The following ADGRV1 variants were observed in gnomAD, a reference collection of about 807,000 sequenced individuals.
ADGRV1 encodes adhesion G protein-coupled receptor V1, also known as G-protein coupled receptor 98.
Under a neutral mutation model 596.2 loss-of-function variants are expected in ADGRV1, and 359 were observed. That is an observed-to-expected ratio of 0.60 (90% CI 0.55 to 0.66). ADGRV1 has a LOEUF of 0.66. Among genes scored for constraint, ADGRV1 ranks in the 30% least tolerant of loss-of-function variants. ADGRV1 has a pLI of 0.00. For missense variants in ADGRV1, 7,274 were observed against 7,575.6 expected (o/e 0.96, Z 1.48); for synonymous variants, 2,681 against 2,679.2 (o/e 1.00, Z -0.02).
intron 85 of ADGRV1, among the ~76,000 whole-genome samples, chr5:91,045,080 T>C (rs1227496347): frequency 6.6e-6 from 1 of 151,948 alleles, no homozygotes; most frequent in African/African-American, 2.4e-5. Flanking sequence ...TGAGCAAAGA[T>C]AAAAATGAGC....
intron 84 of ADGRV1, among the ~76,000 whole-genome samples, chr5:90,974,267 A>C (rs1274157824): frequency 2.7e-5 from 4 of 150,654 alleles, no homozygotes; most frequent in Non-Finnish European, 5.9e-5. Context: ...AAAAATGGCC[A>C]TACTGCCCAA....
At chr5:91,060,613 T>C (rs905606897) in intron 85 of ADGRV1, among the ~76,000 whole-genome samples, 3 of 152,130 alleles carry the variant, frequency 2.0e-5, no homozygotes, top group African/African-American at 7.2e-5. Flanking sequence ...AAGAAATGTA[T>C]AGTGTATTTT....
In ADGRV1 at chr5:91,040,060, T is replaced by A. The variant is rs568965013; in HGVS notation, c.18153-32387T>A. On this transcript the variant is annotated intron_variant, in intron 85 of 89. Coordinates refer to ENST00000405460, the MANE Select transcript of ADGRV1 (RefSeq NM_032119.4). The stretch of plus-strand genomic sequence containing the variant: ...CAATAAATATATATGTAGTGTTTTG[T>A]CCATGCAAAATAAAGCCCTTTGAGG... Among the ~76,000 whole-genome samples, 5 of 152,286 alleles carry A rather than the reference T, an allele frequency of 3.3e-5. No homozygotes were observed. In the East Asian group the frequency reaches 7.7e-4, roughly 23 times the overall value.
At chr5:91,104,492 TA>T (rs1257117769) in intron 87 of ADGRV1, among the ~76,000 whole-genome samples, 1 of 152,222 alleles carries the variant, frequency 6.6e-6, no homozygotes, top group Admixed American at 6.5e-5. Context: ...TTGTTAACTA[TA>T]GTCATCCTGT....
At chr5:90,975,129 T>G (rs887510679) in intron 84 of ADGRV1, among the ~76,000 whole-genome samples, 2 of 151,356 alleles carry the variant, frequency 1.3e-5, no homozygotes, top group Non-Finnish European at 2.9e-5. Context: ...ATCAGAGAAA[T>G]GGAAATCAAA....
chr5:90,643,856 G>A lies in ADGRV1; in HGVS notation c.2607G>A (p.Lys869=), dbSNP rs911139835. ...VLSSHGERES[K]LGSATIVNIT... is the part of the protein sequence containing the mutation. ...GCAGCCACGGAGAACGGGAAAGCAA[G>A]TTGGGAAGTGCCACCATTGTCAATA... Residue 869 remains lysine, a synonymous_variant, in exon 14 of 90, where the codon AAG becomes AAA. Transcript: ENST00000405460. 1 of 1,611,306 alleles carries A rather than the reference G, an allele frequency of 6.2e-7. No individual in the cohort carries two copies. The highest frequency in any genetic ancestry group is 1.3e-5 in the African/African-American group (1 of 74,996).
At chr5:90,710,960 T>C (rs1461508334) in intron 39 of ADGRV1, 21 bp from the exon 40 acceptor site, 3 of 1,439,430 alleles carry the variant, frequency 2.1e-6, no homozygotes, top group Middle Eastern at 3.5e-4. Flanking sequence ...TATTTTAAGA[T>C]ATGCTTCTAT....
intron 87 of ADGRV1, among the ~76,000 whole-genome samples, chr5:91,134,046 T>C (rs907256580): frequency 6.6e-6 from 1 of 152,148 alleles, no homozygotes; most frequent in Non-Finnish European, 1.5e-5. Context: ...TTCACACATG[T>C]GTAAAATCTG....
intron 83 of ADGRV1, among the ~76,000 whole-genome samples, chr5:90,945,317 C>T (rs934433633): frequency 6.6e-6 from 1 of 151,960 alleles, no homozygotes; most frequent in Non-Finnish European, 1.5e-5. Flanking sequence ...GAAGACTGAG[C>T]CCACCAAAAC....
intron 85 of ADGRV1, among the ~76,000 whole-genome samples, chr5:91,003,246 T>C (rs1268805128): frequency 6.6e-6 from 1 of 152,218 alleles, no homozygotes; most frequent in Non-Finnish European, 1.5e-5. Context: ...ATAGAAATCC[T>C]GCGCCTTTTA....
intron 1 of ADGRV1, among the ~76,000 whole-genome samples, chr5:90,574,862 A>T (rs1302219050): frequency 6.6e-6 from 1 of 152,110 alleles, no homozygotes; most frequent in Non-Finnish European, 1.5e-5. Flanking sequence ...TAGATTTTCT[A>T]ATTTGAGTGC....
Position 90,653,292 on chromosome 5 carries a change from G to C in ADGRV1, c.3718G>C (p.Gly1240Arg), listed in dbSNP as rs780946750. 6.2e-7 allele frequency: 1 copy of C among 1,613,936 alleles called. No individual in the cohort carries two copies. Among genetic ancestry groups the C allele is most frequent in the Admixed American group, 1.7e-5 (1 of 60,010 alleles). Reference protein sequence around the residue: ...VMVPFNDDPFGVFILDPECLE... With the variant: ...VMVPFNDDPFRVFILDPECLE... ...GGTTCCATTCAATGATGATCCCTTT[G>C]GAGTTTTTATCTTGGATCCAGAGTG... Residue 1240 changes from glycine to arginine, a missense_variant, in exon 20 of 90, where the codon GGA (glycine) becomes CGA (arginine). Gly to Arg is a moderately radical substitution (Grantham distance 125). Transcript: ENST00000405460.
rs150178424 is a variant in ADGRV1 at position 90,604,703 on chromosome 5, A to T, written c.23-10132A>T. ...GGTGCCATCTAATGGTGGTTTAAGA[A>T]ATCTTAGTTAAACATGTGATCCTTA... On this transcript the variant is annotated intron_variant, in intron 1 of 89. Transcript: ENST00000405460. Among the ~76,000 whole-genome samples, 1,284 of 152,292 alleles carry T rather than the reference A, an allele frequency of 8.4e-3. 20 individuals are homozygous for T. The highest frequency in any genetic ancestry group is 0.03 in the African/African-American group (1,241 of 41,552).
chr5:90,778,116 T>G (rs1402279952), intron 62 of ADGRV1, 73 bp downstream of exon 62: 3 of 1,465,226 alleles, frequency 2.0e-6, no homozygotes. Context: ...TGAGCATATG[T>G]GTATGTGTGG....
At chr5:91,012,397 T>C (rs1416933170) in intron 85 of ADGRV1, among the ~76,000 whole-genome samples, 1 of 152,024 alleles carries the variant, frequency 6.6e-6, no homozygotes, top group Non-Finnish European at 1.5e-5. Context: ...TTATAATCTA[T>C]TAAAATCATA....
At chr5:90,883,147 CA>C (rs1289796570) in intron 83 of ADGRV1, among the ~76,000 whole-genome samples, 1 of 152,108 alleles carries the variant, frequency 6.6e-6, no homozygotes, top group Non-Finnish European at 1.5e-5. Context: ...TTCAAAGACA[CA>C]ACTGTGAAGA....
intron 85 of ADGRV1, among the ~76,000 whole-genome samples, chr5:91,000,103 A>G (rs559080576): frequency 2.6e-5 from 4 of 152,196 alleles, no homozygotes; most frequent in Admixed American, 1.3e-4. Flanking sequence ...TCATTCAGAT[A>G]TAAACACTTG....
intron 83 of ADGRV1, among the ~76,000 whole-genome samples, chr5:90,948,990 C>A (rs1285985692): frequency 6.6e-6 from 1 of 151,966 alleles, no homozygotes; most frequent in Admixed American, 6.6e-5. Flanking sequence ...ACTCAGGTGT[C>A]CATCAGAAGT....
chr5:90,820,143 T>G (rs554449477), intron 75 of ADGRV1, among the ~76,000 whole-genome samples: 1 of 150,918 alleles, frequency 6.6e-6, no homozygotes, highest in African/African-American at 2.5e-5. Context: ...GCTCTTCTTG[T>G]TGAATTGATC....
Sources: allele counts gnomAD v4.1 joint callset (sites outside exome capture counted in the v4.1 genomes callset), GRCh38; gene constraint gnomAD v4.1.1; transcripts MANE v1.5; gene names NCBI Gene and HGNC (gene_info 2026-07-23, HGNC 2026-07-21).